Variants in UBQLN1 observed in about 807,000 individuals in gnomAD.
UBQLN1 encodes the protein ubiquilin 1.
UBQLN1 carries 13 observed loss-of-function variants against 65.4 expected under a neutral mutation model. The ratio of observed to expected loss-of-function variants is 0.20; its 90% CI spans 0.13 to 0.32. The LOEUF is 0.32. Ranked by LOEUF, UBQLN1 falls within the 10% of genes least tolerant of loss-of-function variation. The pLI is 1.00. For missense variants in UBQLN1, 561 were observed against 724.0 expected, an observed-to-expected ratio of 0.77 and a Z score of 2.58; for synonymous variants, 267 against 247.8, an observed-to-expected ratio of 1.08 and a Z score of -0.73.
At chr9:83,669,406 C>T (rs1466098869) in intron 6 of UBQLN1, 79 bp from the exon 7 acceptor site, 4 of 1,326,970 alleles carry the variant, frequency 3.0e-6, no homozygotes, top group Non-Finnish European at 4.0e-6. Flanking sequence ...ATAATATGCA[C>T]TGTGTTTAAT....
chr9:83,691,325 A>C (rs1373277912), intron 1 of UBQLN1, among the ~76,000 whole-genome samples: 4 of 152,098 alleles, frequency 2.6e-5, no homozygotes, highest in Non-Finnish European at 5.9e-5. Flanking sequence ...TAATCACCAA[A>C]GGCTAAAAGA....
intron 6 of UBQLN1, among the ~76,000 whole-genome samples, chr9:83,673,003 G>A (rs568860165): frequency 5.9e-5 from 9 of 152,280 alleles, no homozygotes; most frequent in East Asian, 3.9e-4. Context: ...ACGCTGAGGC[G>A]GGTGGATCAT....
chr9:83,681,473 T>C (rs1831939040), intron 3 of UBQLN1, among the ~76,000 whole-genome samples: 1 of 152,178 alleles, frequency 6.6e-6, no homozygotes, highest in African/African-American at 2.4e-5. Flanking sequence ...CACAGGATAT[T>C]ATGGTAATAT....
In UBQLN1 at chr9:83,675,468, C is replaced by CAA. The variant is rs56889142; in HGVS notation, c.1105+2257_1105+2258dup. On this transcript the variant is annotated intron_variant, in intron 6 of 10. Transcript: ENST00000376395. The stretch of plus-strand genomic sequence containing the variant: ...GTGCTTTACAGACTTCCTATGCCGT[C>CAA]AAAAAAAAAAAAAAATCACAAGAAG... Among the ~76,000 whole-genome samples the CAA allele has an allele frequency of 6.2e-3, 870 of 140,820 alleles. 4 individuals carry two copies. The highest frequency in any genetic ancestry group is 0.011 in the African/African-American group (406 of 38,508). 92.4% of individuals were successfully genotyped at this position (140,820 alleles called of 152,430 possible).
At chr9:83,707,446 G>C (rs562973234) in intron 1 of UBQLN1, 54 bp downstream of exon 1, 6 of 1,534,194 alleles carry the variant, frequency 3.9e-6, no homozygotes, top group Admixed American at 2.2e-5. Flanking sequence ...CTGGGGCGGC[G>C]GGCGGAGGTC....
At chr9:83,665,409 C>G in intron 8 of UBQLN1, 1 of 340,552 alleles carries the variant, frequency 2.9e-6, no homozygotes, top group Non-Finnish European at 5.3e-6. Context: ...ACTTTGGAAG[C>G]CACAACTATT....
chr9:83,680,770 T>C (rs1022388856), intron 3 of UBQLN1, among the ~76,000 whole-genome samples: 1 of 152,156 alleles, frequency 6.6e-6, no homozygotes, highest in Non-Finnish European at 1.5e-5. Flanking sequence ...ATTCTAGCAA[T>C]TATTGAACCT....
At chr9:83,678,914 G>C (rs997799401) in intron 4 of UBQLN1, among the ~76,000 whole-genome samples, 1 of 152,062 alleles carries the variant, frequency 6.6e-6, no homozygotes, top group Non-Finnish European at 1.5e-5. Flanking sequence ...GTAGAGACGG[G>C]GTTTCACCGT....
In UBQLN1 at chr9:83,682,954, A is replaced by C; in HGVS notation, c.445T>G (p.Leu149Val). ...SGSATSNPFG[L>V]GGLGGLAGLS... is the part of the protein sequence containing the mutation. ...TGGAATGACTAAAGACACTTACCTA[A>C]ACCAAAAGGGTTGCTAGTAGCAGAA... is the stretch of plus-strand genomic sequence containing the variant. The change falls in exon 3 of 11, where the codon TTA (leucine) becomes GTA (valine). Residue 149 changes from leucine (L) to valine (V), a missense_variant. Physicochemically the swap from Leu to Val is conservative, Grantham distance 32. This residue lies in a region of UBQLN1 where 87 missense variants were observed against 88.8 expected (regional missense o/e 0.98). Coordinates refer to ENST00000376395, the MANE Select transcript of UBQLN1 (RefSeq NM_013438.5). 6.2e-7 allele frequency: 1 copy of C among 1,605,102 alleles called. No homozygotes were observed. The highest frequency in any genetic ancestry group is 8.5e-7 in the Non-Finnish European group (1 of 1,173,034).
intron 7 of UBQLN1, chr9:83,668,466 A>G: frequency 1.0e-6 from 1 of 985,348 alleles, no homozygotes; most frequent in Non-Finnish European, 1.2e-6. Context: ...GTGGTATGGA[A>G]CCTAGATAGT....
chr9:83,672,927 TA>T, intron 6 of UBQLN1, among the ~76,000 whole-genome samples: 1 of 152,342 alleles, frequency 6.6e-6, no homozygotes, highest in East Asian at 1.9e-4. Context: ...GCTAATGAGT[TA>T]AAAATTGCTT....
rs894819244 is a variant in UBQLN1, at chr9:83,669,170, C to T, written c.1248+15G>A. ...TCACACTGCACAGTCTTTTTCAATA[C>T]AATTACAAACTCACCTGTGCAGCAA... On this transcript the variant is annotated intron_variant, in intron 7 of 10. Coordinates refer to ENST00000376395, the MANE Select transcript of UBQLN1 (RefSeq NM_013438.5). 1.3e-6 allele frequency: 2 copies of T among 1,596,948 alleles called. No individual in the cohort carries two copies. Among genetic ancestry groups the T allele is most frequent in the African/African-American group, 1.4e-5 (1 of 73,724 alleles).
rs370539805 is a variant in UBQLN1, at chr9:83,662,273, T to TACACACAC, written c.1618-342_1618-335dup. Among the ~76,000 whole-genome samples the TACACACAC allele has an allele frequency of 3.7e-3, 536 of 143,408 alleles. 3 individuals are homozygous for TACACACAC. Among genetic ancestry groups the TACACACAC allele is most frequent in the African/African-American group, 7.6e-3 (287 of 37,744 alleles). The allele number at this position is 143,408 out of a possible 152,430, so 94.1% of individuals were successfully genotyped here. On this transcript the variant is annotated intron_variant, in intron 10 of 10. Coordinates refer to ENST00000376395, the MANE Select transcript of UBQLN1 (RefSeq NM_013438.5). ...GTGTGTGTGTATATACATATACATATACACACACACACACACACACACACA... is the reference window on the plus strand; with the variant it reads ...GTGTGTGTGTATATACATATACATATACACACACACACACACACACACACACACACACA...
chr9:83,670,831 C>T (rs1173700929), intron 6 of UBQLN1, among the ~76,000 whole-genome samples: 8 of 152,170 alleles, frequency 5.3e-5, no homozygotes, highest in African/African-American at 1.4e-4. Flanking sequence ...ATAATGTTCA[C>T]AGCATCTTCA....
intron 3 of UBQLN1, 148 bp from the exon 4 acceptor site, chr9:83,680,185 T>A: frequency 1.1e-6 from 1 of 885,146 alleles, no homozygotes; most frequent in East Asian, 2.7e-5. Flanking sequence ...TACCTATTAC[T>A]AATATTTAAT....
chr9:83,693,408 T>C (rs1227089005), intron 1 of UBQLN1, among the ~76,000 whole-genome samples: 3 of 152,250 alleles, frequency 2.0e-5, no homozygotes, highest in Non-Finnish European at 2.9e-5. Flanking sequence ...TGTTCTGCAA[T>C]ATAGTGATAA....
chr9:83,695,778 TG>T (rs1832201781), intron 1 of UBQLN1, among the ~76,000 whole-genome samples: 1 of 152,200 alleles, frequency 6.6e-6, no homozygotes. Context: ...AACAATATTC[TG>T]CAAATACACA....
chr9:83,678,384 T>A, intron 5 of UBQLN1, 57 bp downstream of exon 5: 4 of 1,546,434 alleles, frequency 2.6e-6, no homozygotes, highest in Non-Finnish European at 3.5e-6. Flanking sequence ...ATCATACACA[T>A]ATTTGTGTTA....
intron 1 of UBQLN1, among the ~76,000 whole-genome samples, chr9:83,693,577 T>C (rs137874862): frequency 2.0e-4 from 31 of 152,294 alleles, no homozygotes; most frequent in African/African-American, 7.0e-4. Flanking sequence ...TAAGAGAAGT[T>C]AGAAAACCGT....
Sources: gnomAD v4.1 joint callset for allele counts (sites outside exome capture counted in the v4.1 genomes callset) on GRCh38, gnomAD v4.1.1 for gene constraint, gnomAD v4.1.1 regional missense constraint, MANE v1.5 for transcripts, NCBI Gene and HGNC (gene_info 2026-07-23, HGNC 2026-07-21) for gene names.